Variants in CASR observed in about 807,000 individuals in gnomAD.
The protein encoded by CASR is calcium sensing receptor, also known as extracellular calcium-sensing receptor.
CASR carries 23 observed loss-of-function variants against 69.1 expected under a neutral mutation model. The ratio of observed to expected loss-of-function variants is 0.33; its 90% confidence interval spans 0.24 to 0.47. CASR has a LOEUF of 0.47. CASR is among the 20% of genes least tolerant of loss of function. The pLI is 1.00. For synonymous variants in CASR, 541 were observed against 544.7 expected, an observed-to-expected ratio of 0.99 and a Z score of 0.10; for missense variants, 924 against 1,356.1, an observed-to-expected ratio of 0.68 and a Z score of 5.00.
chr3:122,281,999 T>C, intron 5 of CASR, 114 bp from the exon 6 acceptor site: 1 of 1,490,616 alleles, frequency 6.7e-7, no homozygotes, highest in Non-Finnish European at 9.3e-7. Context: ...CCAACGTCTG[T>C]CACACTGATT....
intron 1 of CASR, among the ~76,000 whole-genome samples, chr3:122,225,554 C>CAAAAAAAAAAA (rs33940289): frequency 8.3e-6 from 1 of 120,354 alleles, no homozygotes; most frequent in Admixed American, 8.4e-5. Flanking sequence ...CTAAAAAGTC[C>CAAAAAAAAAAA]AAAAAAAAAA....
In CASR at chr3:122,284,459, C is replaced by A. The variant is rs1446060299; in HGVS notation, c.2505C>A (p.Ala835=). ...YASTYGKFVS[A]VEVIAILAAS... ...GCACCTATGGCAAGTTTGTCTCTGC[C>A]GTAGAGGTGATTGCCATCCTGGCAG... Residue 835 remains alanine, a synonymous_variant, in exon 7 of 7, where the codon GCC becomes GCA. Coordinates refer to ENST00000639785, the MANE Select transcript of CASR (RefSeq NM_000388.4). 6.2e-7 allele frequency: 1 copy of A among 1,613,664 alleles called. No homozygotes were observed. Among genetic ancestry groups the A allele is most frequent in the East Asian group, 2.2e-5 (1 of 44,890 alleles).
At chr3:122,244,358 C>T (rs2074406919) in intron 1 of CASR, among the ~76,000 whole-genome samples, 1 of 151,918 alleles carries the variant, frequency 6.6e-6, no homozygotes, top group African/African-American at 2.4e-5. Context: ...TTCATAGCAG[C>T]ACTGTTCATT....
chr3:122,218,541 CAAAAA>C (rs59428263), intron 1 of CASR, among the ~76,000 whole-genome samples: 1 of 106,310 alleles, frequency 9.4e-6, no homozygotes. Context: ...GACTCTGTCT[CAAAAA>C]AAAAAAAAAA....
At chr3:122,251,351 G>A (rs2074481444) in intron 1 of CASR, among the ~76,000 whole-genome samples, 1 of 152,188 alleles carries the variant, frequency 6.6e-6, no homozygotes, top group South Asian at 2.1e-4. Flanking sequence ...TCACCTAAGG[G>A]TTCAGGGAAG....
At chr3:122,211,964 A>AT (rs1404953354) in intron 1 of CASR, among the ~76,000 whole-genome samples, 1 of 152,196 alleles carries the variant, frequency 6.6e-6, no homozygotes, top group African/African-American at 2.4e-5. Flanking sequence ...TGTTAGTGTA[A>AT]TGCAAATTAG....
At chr3:122,242,940 A>G (rs1333440575) in intron 1 of CASR, among the ~76,000 whole-genome samples, 1 of 152,212 alleles carries the variant, frequency 6.6e-6, no homozygotes, top group Non-Finnish European at 1.5e-5. Flanking sequence ...TGTCTCTTCA[A>G]TAAATGGTGC....
chr3:122,224,899 C>A (rs1365860291), intron 1 of CASR, among the ~76,000 whole-genome samples: 1 of 152,118 alleles, frequency 6.6e-6, no homozygotes, highest in African/African-American at 2.4e-5. Flanking sequence ...ACACCTCCAA[C>A]CACCTGACCT....
Position 122,257,257 on chromosome 3 carries a change from A to G in CASR, c.362A>G (p.Asp121Gly). The G allele has an allele frequency of 6.2e-7, 1 of 1,614,174 alleles. No individual in the cohort carries two copies. Among genetic ancestry groups the G allele is most frequent in the Non-Finnish European group, 8.5e-7 (1 of 1,180,014 alleles). ...AGTTTTGTTGCTCAAAACAAAATTG[A>G]TTCTTTGAACCTTGATGAGTTCTGC... ...TLSFVAQNKI[D>G]SLNLDEFCNC... Residue 121 changes from aspartate to glycine, a missense_variant, in exon 3 of 7, where the codon GAT becomes GGT. Asp to Gly is a moderately conservative substitution (Grantham distance 94). Transcript: ENST00000639785.
At chr3:122,278,668 T>C (rs1034640372) in intron 5 of CASR, among the ~76,000 whole-genome samples, 4 of 152,224 alleles carry the variant, frequency 2.6e-5, no homozygotes, top group African/African-American at 4.8e-5. Flanking sequence ...TAGCTCATGG[T>C]TGCTGAAGGA....
At chr3:122,209,438 G>A (rs970213945) in intron 1 of CASR, among the ~76,000 whole-genome samples, 1 of 152,214 alleles carries the variant, frequency 6.6e-6, no homozygotes, top group African/African-American at 2.4e-5. Context: ...ACAGTTCCAT[G>A]TGGCTGGGGA....
intron 1 of CASR, among the ~76,000 whole-genome samples, chr3:122,185,449 T>C (rs1411952100): frequency 6.6e-6 from 1 of 152,224 alleles, no homozygotes. Flanking sequence ...TTCGTTTACT[T>C]GCTTCAATTA....
intron 3 of CASR, among the ~76,000 whole-genome samples, chr3:122,260,186 G>C (rs1050758817): frequency 1.3e-5 from 2 of 152,200 alleles, no homozygotes; most frequent in Non-Finnish European, 2.9e-5. Flanking sequence ...GGTGGGGCCT[G>C]AGTGGTCAGA....
intron 1 of CASR, among the ~76,000 whole-genome samples, chr3:122,226,758 G>A (rs920993654): frequency 1.3e-5 from 2 of 152,028 alleles, no homozygotes; most frequent in Admixed American, 1.3e-4. Flanking sequence ...GTGCCAATTG[G>A]TGCATTCACA....
At chr3:122,283,631 C>G in intron 6 of CASR, 56 bp from the exon 7 acceptor site, 1 of 1,408,398 alleles carries the variant, frequency 7.1e-7, no homozygotes, top group African/African-American at 1.4e-5. Context: ...CATGTACACT[C>G]ACACATTTTA....
At chr3:122,222,498 T>G (rs2074181630) in intron 1 of CASR, among the ~76,000 whole-genome samples, 1 of 152,172 alleles carries the variant, frequency 6.6e-6, no homozygotes, top group African/African-American at 2.4e-5. Context: ...TAATAATCCT[T>G]TCTTAGTAGT....
At position 122,283,715 on chromosome 3, in the gene CASR, T is replaced by C. The variant is rs1220038479; in HGVS notation, c.1761T>C (p.Asp587=). The C allele has an allele frequency of 6.2e-7, 1 of 1,614,218 alleles. No homozygotes were observed. Among genetic ancestry groups the C allele is most frequent in the Admixed American group, 1.7e-5 (1 of 60,028 alleles). The change falls in exon 7 of 7, where the codon GAT becomes GAC. Residue 587 remains aspartate (D), a synonymous_variant. Transcript: ENST00000639785. Reference sequence around the variant, plus strand: ...CCAGTGCCTGTAACAAGTGCCCAGATGACTTCTGGTCCAATGAGAACCACA... The same window carrying C: ...CCAGTGCCTGTAACAAGTGCCCAGACGACTTCTGGTCCAATGAGAACCACA... ...TDASACNKCP[D]DFWSNENHTS... is the part of the protein sequence containing the mutation.
intron 1 of CASR, among the ~76,000 whole-genome samples, chr3:122,190,166 A>G (rs1185283764): frequency 1.3e-5 from 2 of 152,058 alleles, no homozygotes; most frequent in East Asian, 1.9e-4. Flanking sequence ...AGTCCATCCA[A>G]TCATGCACTC....
rs139360640 is a variant in CASR, at chr3:122,253,072, C to T, written c.-242-876C>T. 2.9e-3 allele frequency among the ~76,000 whole-genome samples: 443 copies of T among 152,238 alleles called. 2 individuals carry two copies. The highest frequency in any genetic ancestry group is 1.0e-2 in the African/African-American group (414 of 41,538). Reference sequence around the variant, plus strand: ...TCTAATCCATGATTTCTCTGAATTTCGTATAAGAACTGTTCTTAAAAGGCT... The same window carrying T: ...TCTAATCCATGATTTCTCTGAATTTTGTATAAGAACTGTTCTTAAAAGGCT... On this transcript the variant is annotated intron_variant, in intron 1 of 6. Transcript: ENST00000639785.
Sources: allele counts gnomAD v4.1 joint callset (sites outside exome capture counted in the v4.1 genomes callset), GRCh38; gene constraint gnomAD v4.1.1; transcripts MANE v1.5; gene names NCBI Gene and HGNC (gene_info 2026-07-23, HGNC 2026-07-21).